Variants in SLX4 observed in about 807,000 individuals in gnomAD.
The protein encoded by SLX4 is structure-specific endonuclease subunit SLX4.
SLX4 carries 112 observed loss-of-function variants against 146.2 expected under a neutral mutation model. The observed-to-expected ratio is 0.77, with a 90% CI of 0.66 to 0.90. The LOEUF (loss-of-function observed/expected upper bound fraction) is 0.90. Among genes scored for constraint, SLX4 ranks in the 40% least tolerant of loss-of-function variants. The pLI, the probability that SLX4 is intolerant of heterozygous loss-of-function variation, is 0.00. For synonymous variants in SLX4, 1,061 were observed against 997.7 expected (o/e 1.06, Z -1.20); for missense variants, 2,563 against 2,392.7 (o/e 1.07, Z -1.49).
At chr16:3,607,031 AATGGTGAATTTT>A (rs2040794008) in intron 2 of SLX4, among the ~76,000 whole-genome samples, 2 of 152,190 alleles carry the variant, frequency 1.3e-5, no homozygotes, top group South Asian at 4.1e-4. Context: ...TACCCTTTTA[AATGGTGAATTTT>A]ATGGAATATC....
chr16:3,587,732 C>T (rs1251873045), intron 12 of SLX4, among the ~76,000 whole-genome samples: 1 of 151,956 alleles, frequency 6.6e-6, no homozygotes, highest in African/African-American at 2.4e-5. Context: ...GGCTGGGCCA[C>T]GGGCGTGCTA....
In SLX4 at chr16:3,581,205, T is replaced by C. The variant is rs2040431487; in HGVS notation, c.*1137A>G. ...ATTTTAATAAAGCCTTTTTGGTTTA[T>C]TGCACATCATATAAAACTGACTGCA... On this transcript the variant is annotated 3_prime_UTR_variant, in exon 15 of 15. Transcript: ENST00000294008. The C allele has an allele frequency of 6.6e-6, 1 of 152,670 alleles. No homozygotes were observed. The highest frequency in any genetic ancestry group is 2.1e-4 in the South Asian group (1 of 4,832). The allele number at this position is 152,670 out of a possible 1,614,324, so 9.5% of individuals were successfully genotyped here.
At chr16:3,610,089 G>C (rs921053218) in intron 1 of SLX4, among the ~76,000 whole-genome samples, 1 of 152,338 alleles carries the variant, frequency 6.6e-6, no homozygotes, top group Admixed American at 6.5e-5. Context: ...TGCAAAGGCT[G>C]GGCCTCGTGA....
rs766510485 is a variant in SLX4, at chr16:3,582,710, C to G, written c.5154-17G>C. On this transcript the variant is annotated splice_polypyrimidine_tract_variant and intron_variant, in intron 14 of 14. Coordinates refer to ENST00000294008, the MANE Select transcript of SLX4 (RefSeq NM_032444.4). ...GAGGAAGAACTGAAAAGAGCCAGAC[C>G]AGGACGTTGTGCAACCCCTTTCTCT... 3.7e-6 allele frequency: 6 copies of G among 1,604,554 alleles called. No homozygotes were observed. In the African/African-American group the frequency reaches 5.3e-5, roughly 14 times the overall value.
In SLX4 at chr16:3,582,458, G is replaced by A. The variant is rs769537789; in HGVS notation, c.5389C>T (p.Leu1797=). The change falls in exon 15 of 15, where the codon CTG becomes TTG. Residue 1797 remains leucine, a synonymous_variant. Transcript: ENST00000294008. ...CAGTGGGTGTCCAGGAAGTCCAACA[G>A]CCTGCGCGAGGACACACGGAGGCCG... The part of the protein sequence containing the change: ...QNGLRVSSRR[L]LDFLDTHCIT... 1.2e-6 allele frequency: 2 copies of A among 1,614,022 alleles called. No homozygotes were observed. Among genetic ancestry groups the A allele is most frequent in the Non-Finnish European group, 1.7e-6 (2 of 1,180,038 alleles).
chr16:3,583,046 C>T (rs754908078), intron 14 of SLX4, 51 bp downstream of exon 14: 19 of 1,602,718 alleles, frequency 1.2e-5, no homozygotes, highest in Middle Eastern at 3.3e-4. Flanking sequence ...CTCACGCCCA[C>T]GGGCCAGAGG....
chr16:3,589,527 T>C lies in SLX4; in HGVS notation c.4111A>G (p.Arg1371Gly). The C allele has an allele frequency of 1.2e-6, 2 of 1,609,988 alleles. No individual in the cohort carries two copies. The highest frequency in any genetic ancestry group is 1.7e-6 in the Non-Finnish European group (2 of 1,177,240). The change falls in exon 12 of 15, where the codon AGG becomes GGG. Residue 1371 changes from arginine to glycine, a missense_variant. Transcript: ENST00000294008. This position sits in a 1 kb window ranked among gnomAD's most constrained non-coding sequence, Gnocchi z 6.2. ...PISGDRAHFS[R>G]RFLKHSPPGP... ...GGCGGCGAGTGTTTCAGGAACCGCC[T>C]GCTGAAGTGGGCGCGGTCCCCTGAG...
chr16:3,594,214 G>A (rs570596528), intron 10 of SLX4, among the ~76,000 whole-genome samples: 1 of 152,268 alleles, frequency 6.6e-6, no homozygotes, highest in East Asian at 1.9e-4. Context: ...ATGTTTCCCA[G>A]TTGTGAGGCC....
intron 13 of SLX4, among the ~76,000 whole-genome samples, chr16:3,584,549 A>G (rs1435644472): frequency 6.6e-6 from 1 of 152,116 alleles, no homozygotes; most frequent in Non-Finnish European, 1.5e-5. Context: ...TCCCTGGGGA[A>G]TGGTACGCAG....
At chr16:3,603,156 C>A (rs1354898871) in intron 3 of SLX4, among the ~76,000 whole-genome samples, 1 of 152,168 alleles carries the variant, frequency 6.6e-6, no homozygotes, top group Non-Finnish European at 1.5e-5. Flanking sequence ...CGGGTCCAAG[C>A]GATTCTCCTG....
rs751431046 is a variant in SLX4, at chr16:3,590,530, T to C, written c.3108A>G (p.Leu1036=). 12 of 1,613,008 alleles carry C rather than the reference T, an allele frequency of 7.4e-6. No homozygotes were observed. The Admixed American group carries it at 1.7e-4, about 22-fold the overall frequency. Residue 1036 remains leucine, a synonymous_variant, in exon 12 of 15, where the codon CTA becomes CTG. Coordinates refer to ENST00000294008, the MANE Select transcript of SLX4 (RefSeq NM_032444.4). This position sits in a 1 kb window ranked among gnomAD's most constrained non-coding sequence, Gnocchi z 4.8. ...QASPPHPCRF[L]LGPPQGGSPR... Reference sequence around the variant, plus strand: ...GACTCCCGCCCTGGGGAGGCCCCAATAGGAAGCGGCACGGGTGCGGTGGAG... The same window carrying C: ...GACTCCCGCCCTGGGGAGGCCCCAACAGGAAGCGGCACGGGTGCGGTGGAG...
chr16:3,608,736 G>C lies in SLX4; in HGVS notation c.229C>G (p.Gln77Glu). Residue 77 changes from glutamine to glutamate, a missense_variant, in exon 2 of 15, where the codon CAA becomes GAA. Physicochemically the swap from Gln to Glu is conservative, Grantham distance 29. Coordinates refer to ENST00000294008, the MANE Select transcript of SLX4 (RefSeq NM_032444.4). ...IKEVSGERKTQKAASNGTQIR... is the reference protein window; with the variant it reads ...IKEVSGERKTEKAASNGTQIR... ...TGAGTGCCGTTTGAGGCAGCCTTTT[G>C]TGTCTTCCTTTCTCCTGACACTTCC... The C allele has an allele frequency of 6.2e-7, 1 of 1,614,170 alleles. No individual in the cohort carries two copies. Among genetic ancestry groups the C allele is most frequent in the Non-Finnish European group, 8.5e-7 (1 of 1,180,036 alleles).
rs377440877 is a variant in SLX4, at chr16:3,597,563, G to A, written c.1499C>T (p.Thr500Met). 6.8e-5 allele frequency: 110 copies of A among 1,613,980 alleles called. No homozygotes were observed. The highest frequency in any genetic ancestry group is 3.5e-4 in the African/African-American group (26 of 74,910). The change falls in exon 7 of 15, where the codon ACG (threonine) becomes ATG (methionine). Residue 500 changes from threonine (T) to methionine (M), a missense_variant. By Grantham distance (81) the Thr-to-Met change is moderately conservative. Coordinates refer to ENST00000294008, the MANE Select transcript of SLX4 (RefSeq NM_032444.4). This position sits in a 1 kb window ranked among gnomAD's most constrained non-coding sequence, Gnocchi z 4.4. Reference sequence around the variant, plus strand: ...AATCCTGCTGGCAGGAAGTGGTGGCGTGCTAGACAATTCCACTTCCTCAGA... The same window carrying A: ...AATCCTGCTGGCAGGAAGTGGTGGCATGCTAGACAATTCCACTTCCTCAGA... ...LLSEEVELSSTPPLPASRILK... is the reference protein window; with the variant it reads ...LLSEEVELSSMPPLPASRILK...
chr16:3,586,280 C>T (rs1278037647), intron 12 of SLX4, among the ~76,000 whole-genome samples: 1 of 152,076 alleles, frequency 6.6e-6, no homozygotes, highest in Non-Finnish European at 1.5e-5. Context: ...CAAAATGTGG[C>T]ATACCATCAG....
At position 3,582,040 on chromosome 16, in the gene SLX4, CAAAAA is replaced by C. The variant is rs989601408; in HGVS notation, c.*297_*301del. ...CCTAGGTGACACAGCACGACTGTCT[CAAAAA>C]GAAAAAAAAAAAGAAAACCAAAAAG... is the stretch of plus-strand genomic sequence containing the variant. On this transcript the variant is annotated 3_prime_UTR_variant, in exon 15 of 15. Coordinates refer to ENST00000294008, the MANE Select transcript of SLX4 (RefSeq NM_032444.4). 90 of 464,958 alleles carry C rather than the reference CAAAAA, an allele frequency of 1.9e-4. No homozygotes were observed. Among genetic ancestry groups the C allele is most frequent in the Admixed American group, 1.5e-4 (4 of 27,410 alleles). The allele number at this position is 464,958 out of a possible 1,614,324, so 28.8% of individuals were successfully genotyped here. A position where few individuals can be genotyped will look rare whatever the true frequency, so the allele number is the denominator to read the frequency against.
Position 3,601,088 on chromosome 16 carries a change from G to C in SLX4, c.1054C>G (p.His352Asp). The change falls in exon 5 of 15, where the codon CAC becomes GAC. Residue 352 changes from histidine (H) to aspartate (D), a missense_variant. Coordinates refer to ENST00000294008, the MANE Select transcript of SLX4 (RefSeq NM_032444.4). ...PFLTLKSRTS[H>D]LKQCAVKMEV... ...ATCTTCACAGCACACTGCTTCAAGTGACTGGTTCTGCTCTTTAAGGTAAGA... is the reference window on the plus strand; with the variant it reads ...ATCTTCACAGCACACTGCTTCAAGTCACTGGTTCTGCTCTTTAAGGTAAGA... 3 of 1,614,136 alleles carry C rather than the reference G, an allele frequency of 1.9e-6. No homozygotes were observed. Among genetic ancestry groups the C allele is most frequent in the Non-Finnish European group, 1.7e-6 (2 of 1,180,044 alleles).
intron 1 of SLX4, among the ~76,000 whole-genome samples, chr16:3,610,520 T>C (rs1210435042): frequency 6.6e-6 from 1 of 152,222 alleles, no homozygotes; most frequent in Non-Finnish European, 1.5e-5. Context: ...TGGTGGAATC[T>C]CTTGTCATCC....
intron 10 of SLX4, 138 bp downstream of exon 10, chr16:3,594,315 G>T: frequency 8.1e-7 from 1 of 1,239,010 alleles, no homozygotes; most frequent in Non-Finnish European, 1.1e-6. Flanking sequence ...GAGAAGGTGA[G>T]AACATGGTGG....
rs1485533770 is a variant in SLX4 at position 3,606,510 on chromosome 16, G to T, written c.724C>A (p.Pro242Thr). Residue 242 changes from proline (P) to threonine (T), a missense_variant, in exon 3 of 15, where the codon CCA (proline) becomes ACA (threonine). Transcript: ENST00000294008. Reference sequence around the variant, plus strand: ...ATCATCTCCTCTTGAGGATCCTTTGGGACATTTTCTTCCCGCGCAGCCTCG... The same window carrying T: ...ATCATCTCCTCTTGAGGATCCTTTGTGACATTTTCTTCCCGCGCAGCCTCG... ...SLEAAREENV[P>T]KDPQEEMMAG... is the part of the protein sequence containing the mutation. The T allele has an allele frequency of 2.5e-6, 4 of 1,614,024 alleles. No individual in the cohort carries two copies. The highest frequency in any genetic ancestry group is 3.4e-6 in the Non-Finnish European group (4 of 1,180,036).
Sources: gnomAD v4.1 joint callset for allele counts (sites outside exome capture counted in the v4.1 genomes callset) on GRCh38, gnomAD v4.1.1 for gene constraint, Gnocchi (gnomAD v3.1) non-coding constraint, MANE v1.5 for transcripts, NCBI Gene and HGNC (gene_info 2026-07-23, HGNC 2026-07-21) for gene names.